The following PCDH9 variants were observed in gnomAD, a reference collection of about 807,000 sequenced individuals.
PCDH9 encodes the protein protocadherin-9.
PCDH9 carries 24 observed loss-of-function variants against 70.6 expected under a neutral mutation model. The ratio of observed to expected loss-of-function variants is 0.34; its 90% CI spans 0.25 to 0.48. The LOEUF (loss-of-function observed/expected upper bound fraction) is 0.48, where lower values mean the gene tolerates loss of function less well. PCDH9 is among the 20% of genes least tolerant of loss of function. The pLI is 0.99. For synonymous variants in PCDH9, 562 were observed against 558.5 expected, an observed-to-expected ratio of 1.01 and a Z score of -0.09; for missense variants, 1,281 against 1,503.6, an observed-to-expected ratio of 0.85 and a Z score of 2.45.
chr13:66,880,937 T>C (rs2081911625), intron 3 of PCDH9, among the ~76,000 whole-genome samples: 1 of 152,222 alleles, frequency 6.6e-6, no homozygotes, highest in South Asian at 2.1e-4. Context: ...ACTCCAATCC[T>C]GTTGTATGAC....
At chr13:66,952,554 G>A (rs1250889042) in intron 2 of PCDH9, among the ~76,000 whole-genome samples, 2 of 152,056 alleles carry the variant, frequency 1.3e-5, no homozygotes, top group Non-Finnish European at 2.9e-5. Flanking sequence ...GTAGCACGAA[G>A]CCAGACAATT....
At chr13:66,593,224 T>G (rs540034879) in intron 4 of PCDH9, among the ~76,000 whole-genome samples, 1 of 151,834 alleles carries the variant, frequency 6.6e-6, no homozygotes, top group African/African-American at 2.4e-5. Flanking sequence ...GAAGAACATC[T>G]TCGGAGGACT....
At chr13:67,022,808 A>AG (rs1197588734) in intron 2 of PCDH9, among the ~76,000 whole-genome samples, 1 of 152,124 alleles carries the variant, frequency 6.6e-6, no homozygotes, top group East Asian at 1.9e-4. Context: ...AGAAAAAAAA[A>AG]GAGTATTGCT....
At chr13:66,748,815 A>T (rs9529129) in intron 3 of PCDH9, among the ~76,000 whole-genome samples, 135,889 of 152,186 alleles carry the variant, frequency 0.89, 62,691 homozygotes, top group Non-Finnish European at 1. Flanking sequence ...GAGCTTCAAC[A>T]TCTCTAATGT....
At chr13:66,494,073 G>A (rs73511746) in intron 4 of PCDH9, among the ~76,000 whole-genome samples, 2 of 152,130 alleles carry the variant, frequency 1.3e-5, no homozygotes, top group African/African-American at 2.4e-5. Context: ...GAAATAAATT[G>A]TAATAGTTGA....
At chr13:66,976,634 T>C (rs890176223) in intron 2 of PCDH9, among the ~76,000 whole-genome samples, 1 of 151,970 alleles carries the variant, frequency 6.6e-6, no homozygotes, top group Non-Finnish European at 1.5e-5. Flanking sequence ...ACAACAGAAG[T>C]CAATACTTAG....
At chr13:66,989,764 C>T (rs2083964697) in intron 2 of PCDH9, among the ~76,000 whole-genome samples, 1 of 151,946 alleles carries the variant, frequency 6.6e-6, no homozygotes, top group Non-Finnish European at 1.5e-5. Context: ...GGTATAGCAG[C>T]CACTTCCTCA....
chr13:66,539,656 A>G (rs1221528374), intron 4 of PCDH9, among the ~76,000 whole-genome samples: 1 of 152,092 alleles, frequency 6.6e-6, no homozygotes, highest in African/African-American at 2.4e-5. Context: ...TAAGTCATGG[A>G]GTATTGGGTT....
At position 66,824,303 on chromosome 13, in the gene PCDH9, GTATA is replaced by G. The variant is rs60742942; in HGVS notation, c.3138+79197_3138+79200del. Among the ~76,000 whole-genome samples, 1,207 of 127,618 alleles carry G rather than the reference GTATA, an allele frequency of 9.5e-3. 2 individuals carry two copies. Among genetic ancestry groups the G allele is most frequent in the Non-Finnish European group, 0.012 (742 of 61,532 alleles). The allele number at this position is 127,618 out of a possible 152,430, so 83.7% of individuals were successfully genotyped here. On this transcript the variant is annotated intron_variant, in intron 3 of 4. Coordinates refer to ENST00000377865, the MANE Select transcript of PCDH9 (RefSeq NM_203487.3). ...AAATTTTGCCCTCATTTGTTTGAAAGTATATATATATATATATATATATATATAT... is the reference window on the plus strand; with the variant it reads ...AAATTTTGCCCTCATTTGTTTGAAAGTATATATATATATATATATATATAT...
intron 2 of PCDH9, among the ~76,000 whole-genome samples, chr13:67,026,570 T>C (rs1331537234): frequency 2.6e-5 from 4 of 152,076 alleles, no homozygotes; most frequent in African/African-American, 7.2e-5. Flanking sequence ...CCAGGGCAAT[T>C]AGGCAGGAGA....
chr13:67,195,854 T>A (rs2089050067), intron 2 of PCDH9, among the ~76,000 whole-genome samples: 1 of 152,070 alleles, frequency 6.6e-6, no homozygotes, highest in Non-Finnish European at 1.5e-5. Flanking sequence ...AATAAATGAG[T>A]ACAAGAGATC....
At chr13:66,390,627 T>A (rs1212766060) in intron 4 of PCDH9, among the ~76,000 whole-genome samples, 1 of 151,926 alleles carries the variant, frequency 6.6e-6, no homozygotes, top group African/African-American at 2.4e-5. Flanking sequence ...TCTCAGCTAC[T>A]TGGGAGGCTG....
rs76510050 is a variant in PCDH9 at position 66,527,203 on chromosome 13, C to T, written c.3340+104007G>A. 4.6e-3 allele frequency among the ~76,000 whole-genome samples: 704 copies of T among 151,686 alleles called. 30 individuals are homozygous for T. The East Asian group carries it at 0.091, about 20-fold the overall frequency. On this transcript the variant is annotated intron_variant, in intron 4 of 4. Transcript: ENST00000377865. The stretch of plus-strand genomic sequence containing the variant: ...TATCTATCTTTCTATGTAATAATTC[C>T]CAAATTACTGTAAGTGTCAGGGTGA...
intron 4 of PCDH9, among the ~76,000 whole-genome samples, chr13:66,477,778 G>C (rs1958761178): frequency 6.6e-6 from 1 of 152,174 alleles, no homozygotes; most frequent in African/African-American, 2.4e-5. Context: ...TTAGCTTCAA[G>C]AAAAGATAAG....
intron 3 of PCDH9, among the ~76,000 whole-genome samples, chr13:66,866,524 A>T (rs2081578603): frequency 6.8e-6 from 1 of 146,678 alleles, no homozygotes; most frequent in African/African-American, 2.5e-5. Context: ...ATGGCTGGGC[A>T]TAGTGGTTCA....
intron 2 of PCDH9, among the ~76,000 whole-genome samples, chr13:66,946,724 A>G (rs990703239): frequency 5.3e-5 from 8 of 152,024 alleles, no homozygotes; most frequent in African/African-American, 1.9e-4. Flanking sequence ...CTTTTCACCT[A>G]TTTCTGACCA....
At chr13:66,802,754 A>C (rs533507953) in intron 3 of PCDH9, among the ~76,000 whole-genome samples, 14 of 152,262 alleles carry the variant, frequency 9.2e-5, no homozygotes, top group African/African-American at 3.4e-4. Context: ...AATAACAAAA[A>C]ATCTTGGCAT....
chr13:67,173,513 C>G (rs369981808), intron 2 of PCDH9, among the ~76,000 whole-genome samples: 10 of 152,228 alleles, frequency 6.6e-5, no homozygotes, highest in African/African-American at 2.4e-4. Context: ...CTCTCTGTGG[C>G]CTCACTGCAG....
intron 4 of PCDH9, among the ~76,000 whole-genome samples, chr13:66,427,405 A>G (rs985385893): frequency 5.9e-5 from 9 of 151,776 alleles, no homozygotes; most frequent in African/African-American, 2.2e-4. Flanking sequence ...TTATTCTTGC[A>G]TAAATGCATA....
Sources: gnomAD v4.1 joint callset for allele counts (sites outside exome capture counted in the v4.1 genomes callset) on GRCh38, gnomAD v4.1.1 for gene constraint, MANE v1.5 for transcripts, NCBI Gene and HGNC (gene_info 2026-07-23, HGNC 2026-07-21) for gene names.